GSTCD: variants seen among roughly 807,000 people sequenced by gnomAD.
GSTCD encodes glutathione S-transferase C-terminal domain-containing protein.
GSTCD carries 44 observed loss-of-function variants against 68.3 expected under a neutral mutation model. That is an observed-to-expected ratio of 0.64 (90% CI 0.51 to 0.83). GSTCD has a LOEUF of 0.83. GSTCD is among the 40% of genes least tolerant of loss of function. The pLI is 0.00. For synonymous variants in GSTCD, 273 were observed against 255.2 expected (o/e 1.07, Z -0.67); for missense variants, 739 against 735.9 (o/e 1.00, Z -0.05).
chr4:105,717,510 C>T (rs1732716495), intron 1 of GSTCD, 83 bp from the exon 2 acceptor site: 2 of 881,606 alleles, frequency 2.3e-6, no homozygotes, highest in African/African-American at 1.7e-5. Flanking sequence ...ATTTCTAGAA[C>T]AGGCTTTTGA....
At chr4:105,818,163 T>C (rs1250811813) in intron 5 of GSTCD, among the ~76,000 whole-genome samples, 1 of 151,858 alleles carries the variant, frequency 6.6e-6, no homozygotes, top group Non-Finnish European at 1.5e-5. Context: ...GAATTATACT[T>C]AGGTTTCATT....
chr4:105,751,244 G>A (rs1283936403), intron 5 of GSTCD, among the ~76,000 whole-genome samples: 1 of 152,080 alleles, frequency 6.6e-6, no homozygotes, highest in Admixed American at 6.6e-5. Context: ...GCAACTTCCT[G>A]TGAGTCTAAA....
chr4:105,773,576 T>C (rs1734939939), intron 5 of GSTCD, among the ~76,000 whole-genome samples: 1 of 152,194 alleles, frequency 6.6e-6, no homozygotes, highest in African/African-American at 2.4e-5. Context: ...TCTCATTGTT[T>C]TCAAAGAACT....
intron 5 of GSTCD, among the ~76,000 whole-genome samples, chr4:105,730,015 A>T (rs1455167969): frequency 1.3e-5 from 2 of 151,948 alleles, no homozygotes; most frequent in African/African-American, 4.8e-5. Flanking sequence ...TCCTTGCGAT[A>T]CTTTACTGAG....
chr4:105,807,925 A>T (rs549709196), intron 5 of GSTCD, among the ~76,000 whole-genome samples: 2 of 152,256 alleles, frequency 1.3e-5, no homozygotes, highest in South Asian at 4.1e-4. Flanking sequence ...ATCAGTTATT[A>T]CAACGGTCAT....
intron 8 of GSTCD, among the ~76,000 whole-genome samples, chr4:105,831,314 T>A (rs1248979374): frequency 6.6e-6 from 1 of 152,122 alleles, no homozygotes; most frequent in African/African-American, 2.4e-5. Context: ...AACCTTCTCC[T>A]TTTACAGGTA....
intron 5 of GSTCD, among the ~76,000 whole-genome samples, chr4:105,743,352 G>T (rs879328788): frequency 6.6e-6 from 1 of 151,884 alleles, no homozygotes; most frequent in Non-Finnish European, 1.5e-5. Flanking sequence ...TGAACTCTTC[G>T]AATGTAGGAC....
At chr4:105,718,353 ATGAGAGATCTAGC>A (rs1732751799) in intron 2 of GSTCD, among the ~76,000 whole-genome samples, 1 of 152,106 alleles carries the variant, frequency 6.6e-6, no homozygotes, top group Non-Finnish European at 1.5e-5. Context: ...CTATTAGTTC[ATGAGAGATCTAGC>A]TGTTGAAAAG....
At chr4:105,775,958 CCCCAGGTGCTCTGT>C (rs972573510) in intron 5 of GSTCD, among the ~76,000 whole-genome samples, 4 of 152,180 alleles carry the variant, frequency 2.6e-5, no homozygotes, top group African/African-American at 9.7e-5. Context: ...CTGCCCCATC[CCCCAGGTGCTCTGT>C]CCCAGGGAGA....
chr4:105,790,921 A>G (rs937410154), intron 5 of GSTCD, among the ~76,000 whole-genome samples: 8 of 152,022 alleles, frequency 5.3e-5, no homozygotes, highest in Non-Finnish European at 8.8e-5. Context: ...TTATCACTGT[A>G]CTAAAGCATG....
intron 10 of GSTCD, among the ~76,000 whole-genome samples, chr4:105,838,450 A>C (rs1215713030): frequency 1.3e-5 from 2 of 152,256 alleles, no homozygotes; most frequent in Non-Finnish European, 2.9e-5. Context: ...TATTCCTCTC[A>C]TTGTCCTTGA....
intron 5 of GSTCD, among the ~76,000 whole-genome samples, chr4:105,806,021 G>C (rs1417660877): frequency 1.3e-5 from 2 of 152,028 alleles, no homozygotes; most frequent in Non-Finnish European, 2.9e-5. Flanking sequence ...GTTTCTGCCT[G>C]TGTCCCTTTT....
At chr4:105,731,995 T>A (rs952353954) in intron 5 of GSTCD, among the ~76,000 whole-genome samples, 4 of 152,318 alleles carry the variant, frequency 2.6e-5, no homozygotes, top group African/African-American at 9.6e-5. Context: ...TGGATTACGT[T>A]TATTGATTTG....
chr4:105,714,100 A>T (rs1359709497), intron 1 of GSTCD, among the ~76,000 whole-genome samples: 1 of 151,986 alleles, frequency 6.6e-6, no homozygotes, highest in Non-Finnish European at 1.5e-5. Flanking sequence ...ATATTAGAAC[A>T]TTCCTGAGTA....
intron 11 of GSTCD, 121 bp from the exon 12 acceptor site, chr4:105,845,319 AG>A: frequency 1.1e-6 from 1 of 935,524 alleles, no homozygotes. Context: ...AACAAGACTT[AG>A]GGGTACAAAG....
At chr4:105,815,911 A>G (rs1425334736) in intron 5 of GSTCD, among the ~76,000 whole-genome samples, 2 of 152,216 alleles carry the variant, frequency 1.3e-5, no homozygotes, top group East Asian at 1.9e-4. Context: ...GAGCAGAGTA[A>G]TGTTTACTTT....
In GSTCD at chr4:105,735,439, T is replaced by C. The variant is rs577504591; in HGVS notation, c.1240+5940T>C. Among the ~76,000 whole-genome samples the C allele has an allele frequency of 1.4e-4, 21 of 152,292 alleles. No individual in the cohort carries two copies. The South Asian group carries it at 4.1e-3, about 30-fold the overall frequency. ...CTATCTCAGACTGCTGTGCTAGCAA[T>C]GAGCAAGGCTCCGTTGGCGTGGGAC... On this transcript the variant is annotated intron_variant, in intron 5 of 11. Transcript: ENST00000515279.
At chr4:105,802,747 G>A (rs1395754755) in intron 5 of GSTCD, among the ~76,000 whole-genome samples, 2 of 152,006 alleles carry the variant, frequency 1.3e-5, no homozygotes, top group Admixed American at 6.6e-5. Context: ...CCATAATCCA[G>A]TTTTTCTGCA....
intron 1 of GSTCD, 81 bp from the exon 2 acceptor site, chr4:105,717,512 G>A (rs1179220090): frequency 6.6e-6 from 6 of 903,592 alleles, no homozygotes; most frequent in East Asian, 2.6e-5. Context: ...TTCTAGAACA[G>A]GCTTTTGAAA....
Sources: allele counts gnomAD v4.1 joint callset (sites outside exome capture counted in the v4.1 genomes callset), GRCh38; gene constraint gnomAD v4.1.1; transcripts MANE v1.5; gene names NCBI Gene and HGNC (gene_info 2026-07-23, HGNC 2026-07-21).